Variants in TMEM245 observed in about 807,000 individuals in gnomAD.
The protein encoded by TMEM245 is transmembrane protein 245.
A neutral mutation model predicts 101.2 loss-of-function variants in TMEM245; 69 were observed. The observed-to-expected ratio is 0.68, with a 90% CI of 0.56 to 0.83. The LOEUF (loss-of-function observed/expected upper bound fraction) is 0.83, where lower values mean the gene tolerates loss of function less well. Ranked by LOEUF, TMEM245 falls within the 40% of genes least tolerant of loss-of-function variation. The pLI, the probability that TMEM245 is intolerant of heterozygous loss-of-function variation, is 0.00. For missense variants in TMEM245, 1,075 were observed against 1,092.8 expected (o/e 0.98, Z 0.23); for synonymous variants, 537 against 449.8 (o/e 1.19, Z -2.45).
In TMEM245 at chr9:109,048,978, G is replaced by A. The variant is rs1588033375; in HGVS notation, c.2123+1305C>T. Among the ~76,000 whole-genome samples, 4 of 152,310 alleles carry A rather than the reference G, an allele frequency of 2.6e-5. No individual in the cohort carries two copies. In the Middle Eastern group the frequency reaches 0.01, roughly 389 times the overall value. ...GGCACAGCTTGGCTGTAGGACAGAG[G>A]AGAAACAGGAAGTCCACCTACTCTC... On this transcript the variant is annotated intron_variant, in intron 14 of 17. Coordinates refer to ENST00000374586, the MANE Select transcript of TMEM245 (RefSeq NM_032012.4).
intron 9 of TMEM245, among the ~76,000 whole-genome samples, chr9:109,070,735 G>T (rs1253087991): frequency 6.6e-6 from 1 of 152,046 alleles, no homozygotes; most frequent in Non-Finnish European, 1.5e-5. Flanking sequence ...GCACCTATAT[G>T]TATGTCCTCC....
intron 17 of TMEM245, among the ~76,000 whole-genome samples, chr9:109,022,158 T>C (rs1195009657): frequency 6.6e-6 from 1 of 152,168 alleles, no homozygotes; most frequent in Non-Finnish European, 1.5e-5. Context: ...AGGTAAAATG[T>C]CACAGAAAAG....
intron 5 of TMEM245, among the ~76,000 whole-genome samples, chr9:109,088,722 C>G (rs968795013): frequency 6.8e-6 from 1 of 146,646 alleles, no homozygotes; most frequent in African/African-American, 2.5e-5. Context: ...GAGGCTGAGG[C>G]AGGAGAAAGT....
Position 109,038,065 on chromosome 9 carries a change from A to G in TMEM245, c.2176T>C (p.Trp726Arg). 6.2e-7 allele frequency: 1 copy of G among 1,613,566 alleles called. No homozygotes were observed. Among genetic ancestry groups the G allele is most frequent in the Non-Finnish European group, 8.5e-7 (1 of 1,179,750 alleles). ...ATGCCAAACATAGTATGAGTCAGCC[A>G]GGTATACAATCCATAGAAGCCAGCC... ...KMAGFYGLYTWLTHTMFGINI... is the reference protein window; with the variant it reads ...KMAGFYGLYTRLTHTMFGINI... Residue 726 changes from tryptophan (W) to arginine (R), a missense_variant, in exon 15 of 18, where the codon TGG becomes CGG. Around this residue, in one of 2 missense-constraint regions of TMEM245, gnomAD observed 267 missense variants for 351.3 expected, o/e 0.76. Transcript: ENST00000374586.
rs1450055600 is a variant in TMEM245, at chr9:109,050,308, CAAT to C, written c.2095_2097del (p.Ile699del). On this transcript the variant is annotated inframe_deletion, in exon 14 of 18. Coordinates refer to ENST00000374586, the MANE Select transcript of TMEM245 (RefSeq NM_032012.4). ...CTGATAGCTTCTTCCACAGACTGGCCAATAATATTAGAAGAAGGACCTGGCTGA... is the reference window on the plus strand; with the variant it reads ...CTGATAGCTTCTTCCACAGACTGGCCAATATTAGAAGAAGGACCTGGCTGA... 4 of 1,613,866 alleles carry C rather than the reference CAAT, an allele frequency of 2.5e-6. No individual in the cohort carries two copies. The highest frequency in any genetic ancestry group is 3.4e-6 in the Non-Finnish European group (4 of 1,180,006).
At chr9:109,038,702 T>C (rs1181806376) in intron 14 of TMEM245, 3 of 152,134 alleles carry the variant, frequency 2.0e-5, no homozygotes, top group Non-Finnish European at 4.4e-5. Context: ...GGGAGAGAAT[T>C]TGTGGGAAAA....
At chr9:109,060,032 G>A (rs1263692571) in intron 11 of TMEM245, among the ~76,000 whole-genome samples, 7 of 152,124 alleles carry the variant, frequency 4.6e-5, no homozygotes, top group Admixed American at 1.3e-4. Flanking sequence ...GGTAAAATTC[G>A]TTTAGTATAA....
Position 109,087,352 on chromosome 9 carries a change from GACAAAAAAT to G in TMEM245, c.1151-19_1151-11del. 3 of 1,579,212 alleles carry G rather than the reference GACAAAAAAT, an allele frequency of 1.9e-6. No homozygotes were observed. Among genetic ancestry groups the G allele is most frequent in the Non-Finnish European group, 2.6e-6 (3 of 1,168,574 alleles). ...TTTTTGAGTATCCAGACTAAAAAAA[GACAAAAAAT>G]ACATATATAAACAAAATATAGATTA... On this transcript the variant is annotated splice_polypyrimidine_tract_variant and intron_variant, in intron 5 of 17. Coordinates refer to ENST00000374586, the MANE Select transcript of TMEM245 (RefSeq NM_032012.4).
chr9:109,048,270 G>A (rs1828560629), intron 14 of TMEM245, among the ~76,000 whole-genome samples: 1 of 152,302 alleles, frequency 6.6e-6, no homozygotes, highest in Middle Eastern at 3.4e-3. Context: ...AGTAGGAAAA[G>A]GGGAGAGAAC....
At chr9:109,072,675 T>G (rs1017161946) in intron 9 of TMEM245, among the ~76,000 whole-genome samples, 1 of 152,212 alleles carries the variant, frequency 6.6e-6, no homozygotes, top group South Asian at 2.1e-4. Flanking sequence ...ATAGTTCACC[T>G]ATCCTTCCTC....
chr9:109,037,895 T>C, intron 15 of TMEM245, 122 bp downstream of exon 15: 1 of 663,370 alleles, frequency 1.5e-6, no homozygotes, highest in South Asian at 2.1e-5. Flanking sequence ...TGGACTAGAT[T>C]CGATCTCAAG....
chr9:109,119,413 G>C lies in TMEM245; in HGVS notation c.501C>G (p.Ser167Arg), dbSNP rs1462410642. Residue 167 changes from serine to arginine, a missense_variant, in exon 1 of 18, where the codon AGC (serine) becomes AGG (arginine). Physicochemically the swap from Ser to Arg is moderately radical, Grantham distance 110. Around this residue, in one of 2 missense-constraint regions of TMEM245, gnomAD observed 808 missense variants for 741.5 expected, o/e 1.09. Coordinates refer to ENST00000374586, the MANE Select transcript of TMEM245 (RefSeq NM_032012.4). ...PLLYGLYCLG[S>R]YLGVQVLLVH... is the part of the protein sequence containing the mutation. The stretch of plus-strand genomic sequence containing the variant: ...CCAGCAGCACCTGCACGCCCAAGTA[G>C]CTGCCGAGGCAGTAGAGGCCGTACA... The C allele has an allele frequency of 1.3e-6, 2 of 1,526,908 alleles. No individual in the cohort carries two copies. Among genetic ancestry groups the C allele is most frequent in the African/African-American group, 2.8e-5 (2 of 70,814 alleles). The allele number at this position is 1,526,908 out of a possible 1,614,324, so 94.6% of individuals were successfully genotyped here.
rs915655965 is a variant in TMEM245 at position 109,017,752 on chromosome 9, T to C, written c.*2708A>G. On this transcript the variant is annotated 3_prime_UTR_variant, in exon 18 of 18. Transcript: ENST00000374586. ...CAAATTCTGACTGAGAATGTAAAGG[T>C]AGGTTATCTTTGAGACTTGAGCTTA... 6.6e-6 allele frequency: 1 copy of C among 152,182 alleles called. No individual in the cohort carries two copies. The highest frequency in any genetic ancestry group is 6.5e-5 in the Admixed American group (1 of 15,282). The allele number at this position is 152,182 out of a possible 1,614,324, so 9.4% of individuals were successfully genotyped here.
intron 3 of TMEM245, among the ~76,000 whole-genome samples, chr9:109,102,612 G>GT (rs113168638): frequency 0.13 from 20,314 of 152,130 alleles, 1,602 homozygotes; most frequent in African/African-American, 0.19. Flanking sequence ...CTGTGATCTA[G>GT]TTTTTTTGTG....
intron 6 of TMEM245, 43 bp from the exon 7 acceptor site, chr9:109,086,063 G>C: frequency 6.3e-7 from 1 of 1,597,918 alleles, no homozygotes. Context: ...GATAAGAACA[G>C]TGGAGTATCA....
At chr9:109,090,382 A>G (rs1457815117) in intron 5 of TMEM245, among the ~76,000 whole-genome samples, 2 of 152,152 alleles carry the variant, frequency 1.3e-5, no homozygotes. Context: ...ATTAATCTCA[A>G]ATACTACATG....
At chr9:109,114,835 A>G (rs752853116) in intron 1 of TMEM245, among the ~76,000 whole-genome samples, 14 of 139,816 alleles carry the variant, frequency 1.0e-4, no homozygotes, top group African/African-American at 1.3e-4. Flanking sequence ...TAACATGTGA[A>G]CCTGGTGCAA....
intron 16 of TMEM245, among the ~76,000 whole-genome samples, chr9:109,033,871 G>C (rs1262096345): frequency 6.6e-6 from 1 of 152,222 alleles, no homozygotes; most frequent in East Asian, 1.9e-4. Flanking sequence ...GGATAATTAA[G>C]TGAGCACAAT....
rs1056161042 is a variant in TMEM245 at position 109,015,955 on chromosome 9, T to G, written c.*4505A>C. 3.9e-5 allele frequency: 6 copies of G among 152,664 alleles called. No homozygotes were observed. Among genetic ancestry groups the G allele is most frequent in the Admixed American group, 1.3e-4 (2 of 15,284 alleles). 9.5% of individuals were successfully genotyped at this position (152,664 alleles called of 1,614,324 possible). ...GAAAAGAATCTCTATACCTTAAGTA[T>G]AGCTCTAAACAGCAAATATACTTGC... On this transcript the variant is annotated 3_prime_UTR_variant, in exon 18 of 18. Coordinates refer to ENST00000374586, the MANE Select transcript of TMEM245 (RefSeq NM_032012.4).
Sources: gnomAD v4.1 joint callset for allele counts (sites outside exome capture counted in the v4.1 genomes callset) on GRCh38, gnomAD v4.1.1 for gene constraint, gnomAD v4.1.1 regional missense constraint, MANE v1.5 for transcripts, NCBI Gene and HGNC (gene_info 2026-07-23, HGNC 2026-07-21) for gene names.